Variants in RORA observed in about 807,000 individuals in gnomAD.
RORA encodes the protein nuclear receptor ROR-alpha.
Under a neutral mutation model 69.5 loss-of-function variants are expected in RORA, and 7 were observed. That is an observed-to-expected ratio of 0.10 (90% CI 0.06 to 0.19). The LOEUF is 0.19. RORA is among the 10% of genes least tolerant of loss of function. RORA has a pLI of 1.00. For missense variants in RORA, 457 were observed against 663.0 expected (o/e 0.69, Z 3.41); for synonymous variants, 261 against 240.8 (o/e 1.08, Z -0.78).
At chr15:61,063,155 G>C (rs1236952346) in intron 1 of RORA, among the ~76,000 whole-genome samples, 1 of 152,194 alleles carries the variant, frequency 6.6e-6, no homozygotes, top group Non-Finnish European at 1.5e-5. Context: ...GGCACCACCA[G>C]CAACATAGCC....
At chr15:61,055,448 C>T (rs552669079) in intron 1 of RORA, among the ~76,000 whole-genome samples, 1 of 152,266 alleles carries the variant, frequency 6.6e-6, no homozygotes, top group South Asian at 2.1e-4. Flanking sequence ...GCAAAAATCA[C>T]TTATTTTCCC....
intron 1 of RORA, among the ~76,000 whole-genome samples, chr15:60,886,018 C>G (rs1338539347): frequency 6.6e-6 from 1 of 152,216 alleles, no homozygotes; most frequent in Non-Finnish European, 1.5e-5. Flanking sequence ...TAGGGAATCA[C>G]TTCCCCACTG....
chr15:60,690,929 T>C (rs1294452876), intron 1 of RORA, among the ~76,000 whole-genome samples: 2 of 152,170 alleles, frequency 1.3e-5, no homozygotes, highest in East Asian at 3.9e-4. Context: ...TTTTGAACTA[T>C]AAATCCGATC....
chr15:60,632,065 T>TAAC (rs1324295384), intron 2 of RORA, among the ~76,000 whole-genome samples: 1 of 151,920 alleles, frequency 6.6e-6, no homozygotes, highest in Non-Finnish European at 1.5e-5. Flanking sequence ...ATTTTATTAA[T>TAAC]AACTATTTAT....
chr15:60,757,945 C>T (rs2071826521), intron 1 of RORA, among the ~76,000 whole-genome samples: 1 of 152,152 alleles, frequency 6.6e-6, no homozygotes, highest in Non-Finnish European at 1.5e-5. Context: ...ACGGTACAGC[C>T]CAGCAATGCA....
chr15:60,708,394 C>A (rs897468986), intron 1 of RORA, among the ~76,000 whole-genome samples: 1 of 150,468 alleles, frequency 6.6e-6, no homozygotes, highest in Non-Finnish European at 1.5e-5. Context: ...CGCACTCCAG[C>A]CTGGGCAACA....
chr15:61,098,236 C>T (rs1316142023), intron 1 of RORA, among the ~76,000 whole-genome samples: 2 of 145,604 alleles, frequency 1.4e-5, no homozygotes, highest in African/African-American at 2.5e-5. Context: ...TCCCTCTCTC[C>T]CTTTTCTCCC....
intron 1 of RORA, among the ~76,000 whole-genome samples, chr15:60,981,972 GTTATT>G (rs1256876188): frequency 2.0e-5 from 3 of 152,124 alleles, no homozygotes; most frequent in Admixed American, 1.3e-4. Context: ...TATTATTGCT[GTTATT>G]TTATTTGTTG....
At chr15:60,981,568 G>A (rs1894046055) in intron 1 of RORA, among the ~76,000 whole-genome samples, 1 of 151,862 alleles carries the variant, frequency 6.6e-6, no homozygotes, top group African/African-American at 2.4e-5. Flanking sequence ...TCTTTGGTCT[G>A]TTCAAATCTT....
intron 1 of RORA, among the ~76,000 whole-genome samples, chr15:61,185,112 C>T (rs183220589): frequency 1.3e-5 from 2 of 151,944 alleles, no homozygotes; most frequent in East Asian, 1.9e-4. Flanking sequence ...TTACCTGGAA[C>T]AAATGAACCC....
chr15:60,708,543 G>A (rs186248069), intron 1 of RORA, among the ~76,000 whole-genome samples: 1 of 152,250 alleles, frequency 6.6e-6, no homozygotes, highest in Admixed American at 6.5e-5. Context: ...AGGGTGGGTG[G>A]GAGAAACACT....
chr15:60,803,316 T>C (rs982912288), intron 1 of RORA, among the ~76,000 whole-genome samples: 4 of 152,144 alleles, frequency 2.6e-5, no homozygotes, highest in Admixed American at 1.3e-4. Flanking sequence ...AGGAAGAACC[T>C]ACGCAATTCT....
intron 1 of RORA, among the ~76,000 whole-genome samples, chr15:60,863,893 G>A (rs2073458397): frequency 1.3e-5 from 2 of 150,872 alleles, no homozygotes; most frequent in South Asian, 2.1e-4. Context: ...TGCAACCTCC[G>A]CCTCCCAGGT....
intron 1 of RORA, chr15:60,686,788 A>G (rs1596126770): frequency 6.6e-6 from 1 of 152,260 alleles, no homozygotes; most frequent in Non-Finnish European, 1.5e-5. Flanking sequence ...GCAGCCCCCA[A>G]AGTCGAAGCT....
At chr15:60,565,124 A>C (rs1012104386) in intron 2 of RORA, among the ~76,000 whole-genome samples, 5 of 152,224 alleles carry the variant, frequency 3.3e-5, no homozygotes, top group Admixed American at 1.3e-4. Flanking sequence ...ATTTTAAGGG[A>C]CAATAGAGGT....
chr15:60,597,577 C>CATATAT (rs1303140365), intron 2 of RORA, among the ~76,000 whole-genome samples: 1,494 of 25,262 alleles, frequency 0.059, 158 homozygotes, highest in Middle Eastern at 0.083. Flanking sequence ...TATATATACA[C>CATATAT]ATATATATAT....
intron 1 of RORA, among the ~76,000 whole-genome samples, chr15:60,955,323 T>G (rs1312295373): frequency 2.0e-5 from 3 of 151,922 alleles, no homozygotes; most frequent in African/African-American, 7.3e-5. Flanking sequence ...AACAAAAAAA[T>G]AATTGTAACG....
chr15:60,800,653 C>T (rs1054857414), intron 1 of RORA, among the ~76,000 whole-genome samples: 1 of 152,070 alleles, frequency 6.6e-6, no homozygotes, highest in Admixed American at 6.6e-5. Flanking sequence ...TCCCTGAGCC[C>T]GAGTGTCCTG....
At chr15:60,787,229 C>G (rs747119777) in intron 1 of RORA, among the ~76,000 whole-genome samples, 2 of 152,226 alleles carry the variant, frequency 1.3e-5, no homozygotes, top group Non-Finnish European at 2.9e-5. Flanking sequence ...GCAGCTGCCA[C>G]CAAGCCTGCG....
Sources: allele counts gnomAD v4.1 joint callset (sites outside exome capture counted in the v4.1 genomes callset), GRCh38; gene constraint gnomAD v4.1.1; transcripts MANE v1.5; gene names NCBI Gene and HGNC (gene_info 2026-07-23, HGNC 2026-07-21).